The following SOX5 variants were observed in gnomAD, a reference collection of about 807,000 sequenced individuals.
SOX5 encodes the protein transcription factor SOX-5.
In SOX5, 9 loss-of-function variants were observed where a neutral mutation model predicts 92.0. The observed-to-expected ratio is 0.10, with a 90% CI of 0.06 to 0.17. The LOEUF (loss-of-function observed/expected upper bound fraction) is 0.17, where lower values mean the gene tolerates loss of function less well. Among genes scored for constraint, SOX5 ranks in the 10% least tolerant of loss-of-function variants. The probability of loss-of-function intolerance (pLI) is 1.00; values close to 1 mark genes in which losing one functional copy is unlikely to be tolerated. For synonymous variants in SOX5, 344 were observed against 336.3 expected, an observed-to-expected ratio of 1.02 and a Z score of -0.25; for missense variants, 642 against 944.5, an observed-to-expected ratio of 0.68 and a Z score of 4.20.
At chr12:24,095,150 GAGAGAGACAGAGAC>G (rs1293677484) in intron 4 of SOX5, among the ~76,000 whole-genome samples, 1 of 149,716 alleles carries the variant, frequency 6.7e-6, no homozygotes, top group African/African-American at 2.5e-5. Context: ...GAGAGAGAGA[GAGAGAGACAGAGAC>G]AGAGAGACAG....
At position 24,502,189 on chromosome 12, in the gene SOX5, T is replaced by C. The variant is rs112627416; in HGVS notation, c.-251+60140A>G. Among the ~76,000 whole-genome samples, 721 of 152,318 alleles carry C rather than the reference T, an allele frequency of 4.7e-3. 7 individuals are homozygous for C. Among genetic ancestry groups the C allele is most frequent in the Middle Eastern group, 0.041 (12 of 294 alleles). On this transcript the variant is annotated intron_variant, in intron 1 of 4. Coordinates refer to the SOX5 transcript ENST00000446891. ...GGGCAAGACTTTACTTTCTAAACATTCTCCAGTTGTATGTAGCTTCAACCA... is the reference window on the plus strand; with the variant it reads ...GGGCAAGACTTTACTTTCTAAACATCCTCCAGTTGTATGTAGCTTCAACCA...
chr12:23,637,553 G>C (rs1231536605), intron 8 of SOX5, among the ~76,000 whole-genome samples: 1 of 152,030 alleles, frequency 6.6e-6, no homozygotes, highest in African/African-American at 2.4e-5. Context: ...ATATATATGA[G>C]CTGATGTCTG....
At chr12:24,358,859 CTACTATTTAT>C (rs1051599741) in intron 2 of SOX5, among the ~76,000 whole-genome samples, 1 of 151,952 alleles carries the variant, frequency 6.6e-6, no homozygotes, top group African/African-American at 2.4e-5. Flanking sequence ...ATAATATTTG[CTACTATTTAT>C]TAAGCATTTA....
At chr12:24,089,338 G>A (rs1944375078) in intron 4 of SOX5, among the ~76,000 whole-genome samples, 1 of 152,012 alleles carries the variant, frequency 6.6e-6, no homozygotes, top group Non-Finnish European at 1.5e-5. Context: ...CTGCATTACA[G>A]TCGTCATTAC....
At chr12:24,555,715 CA>C (rs1481501509) in intron 1 of SOX5, among the ~76,000 whole-genome samples, 1 of 152,076 alleles carries the variant, frequency 6.6e-6, no homozygotes, top group African/African-American at 2.4e-5. Context: ...AAAGAGACCT[CA>C]AAGAAATTGC....
chr12:24,008,422 T>C (rs987141338), intron 4 of SOX5, among the ~76,000 whole-genome samples: 29 of 152,088 alleles, frequency 1.9e-4, no homozygotes, highest in Non-Finnish European at 3.2e-4. Context: ...GTTTAACAGA[T>C]AGGGCCTAAT....
chr12:24,434,221 G>A (rs1156764462), intron 1 of SOX5, among the ~76,000 whole-genome samples: 1 of 152,132 alleles, frequency 6.6e-6, no homozygotes, highest in Non-Finnish European at 1.5e-5. Context: ...ACAATGGGGA[G>A]GGGAAGGAAA....
intron 3 of SOX5, among the ~76,000 whole-genome samples, chr12:23,756,084 C>A (rs1377065638): frequency 2.0e-5 from 3 of 151,594 alleles, no homozygotes; most frequent in East Asian, 1.9e-4. Context: ...TGATAAAATG[C>A]GGAGTAAAAA....
At chr12:23,793,981 G>C (rs1460195669) in intron 3 of SOX5, among the ~76,000 whole-genome samples, 1 of 152,064 alleles carries the variant, frequency 6.6e-6, no homozygotes, top group Non-Finnish European at 1.5e-5. Context: ...TGGTGACTAT[G>C]GCATATTTGT....
At chr12:23,821,286 CTT>C (rs2096110230) in intron 3 of SOX5, among the ~76,000 whole-genome samples, 1 of 152,172 alleles carries the variant, frequency 6.6e-6, no homozygotes, top group Admixed American at 6.5e-5. Context: ...TATCCTGAGA[CTT>C]TGCTGAAGTT....
chr12:24,109,849 C>A (rs973091936), intron 4 of SOX5, among the ~76,000 whole-genome samples: 2 of 152,160 alleles, frequency 1.3e-5, no homozygotes, highest in African/African-American at 4.8e-5. Context: ...AGCCTACAGT[C>A]CATGTCCTAG....
intron 4 of SOX5, among the ~76,000 whole-genome samples, chr12:23,984,023 C>T (rs965746319): frequency 2.0e-5 from 3 of 152,140 alleles, no homozygotes; most frequent in Non-Finnish European, 4.4e-5. Context: ...TCTGAGACTA[C>T]AGGTTCAGAG....
chr12:23,869,085 G>C (rs751053839), intron 2 of SOX5, among the ~76,000 whole-genome samples: 6 of 152,116 alleles, frequency 3.9e-5, no homozygotes, highest in Admixed American at 6.5e-5. Context: ...TGGAAATAAT[G>C]ATAGCTTTGC....
intron 8 of SOX5, among the ~76,000 whole-genome samples, chr12:23,629,573 T>C (rs2078269180): frequency 6.6e-6 from 1 of 152,070 alleles, no homozygotes; most frequent in Admixed American, 6.6e-5. Flanking sequence ...GAACTTAATA[T>C]ATAAAACAAA....
intron 1 of SOX5, among the ~76,000 whole-genome samples, chr12:23,923,008 C>A (rs1305531019): frequency 6.6e-6 from 1 of 151,510 alleles, no homozygotes; most frequent in Non-Finnish European, 1.5e-5. Context: ...TGCAGTGGCG[C>A]CATCTCGGCT....
At chr12:23,770,052 T>TTTTG (rs1465316434) in intron 3 of SOX5, among the ~76,000 whole-genome samples, 10 of 148,766 alleles carry the variant, frequency 6.7e-5, no homozygotes, top group South Asian at 4.4e-4. Flanking sequence ...CCCTCTGTTT[T>TTTTG]TTTTTTTTTT....
At chr12:24,479,124 A>G (rs1444565798) in intron 1 of SOX5, among the ~76,000 whole-genome samples, 1 of 152,134 alleles carries the variant, frequency 6.6e-6, no homozygotes, top group Admixed American at 6.5e-5. Flanking sequence ...ATTCACATCC[A>G]CATAGTTCTC....
At position 23,735,183 on chromosome 12, in the gene SOX5, T is replaced by G. The variant is rs373959851; in HGVS notation, c.742-431A>C. On this transcript the variant is annotated intron_variant, in intron 5 of 14. Transcript: ENST00000451604. ...CAAGACACTGTATTTATTAGTAAAG[T>G]TTTTGGTATTTTTTTTGTTTTTAGG... Among the ~76,000 whole-genome samples, 54 of 152,250 alleles carry G rather than the reference T, an allele frequency of 3.5e-4. 1 individual carries two copies. In the South Asian group the frequency reaches 4.1e-3, roughly 12 times the overall value.
At chr12:24,277,539 ATG>A (rs1491344090) in intron 2 of SOX5, among the ~76,000 whole-genome samples, 3 of 58,314 alleles carry the variant, frequency 5.1e-5, no homozygotes, top group Non-Finnish European at 9.5e-5. Context: ...TATAATTTAT[ATG>A]TATATAAATT....
Sources: allele counts gnomAD v4.1 joint callset (sites outside exome capture counted in the v4.1 genomes callset), GRCh38; gene constraint gnomAD v4.1.1; transcripts MANE v1.5; gene names NCBI Gene and HGNC (gene_info 2026-07-23, HGNC 2026-07-21).